The following TMEM192 variants were observed in gnomAD, a reference collection of about 807,000 sequenced individuals.
TMEM192 encodes transmembrane protein 192.
TMEM192 carries 20 observed loss-of-function variants against 26.7 expected under a neutral mutation model. The ratio of observed to expected loss-of-function variants is 0.75; its 90% CI spans 0.53 to 1.09. The LOEUF is 1.09. Among genes scored for constraint, TMEM192 ranks in the 50% least tolerant of loss-of-function variants. TMEM192 has a pLI of 0.00. For missense variants in TMEM192, 304 were observed against 322.6 expected, an observed-to-expected ratio of 0.94 and a Z score of 0.44; for synonymous variants, 124 against 121.0, an observed-to-expected ratio of 1.02 and a Z score of -0.16.
At chr4:165,104,570 G>T (rs11100599) in intron 1 of TMEM192, among the ~76,000 whole-genome samples, 1 of 151,946 alleles carries the variant, frequency 6.6e-6, no homozygotes, top group African/African-American at 2.4e-5. Flanking sequence ...TCGCTCTGTC[G>T]CCGAGGCTGG....
intron 1 of TMEM192, among the ~76,000 whole-genome samples, chr4:165,106,769 C>A (rs532916896): frequency 6.6e-6 from 1 of 152,310 alleles, no homozygotes; most frequent in Non-Finnish European, 1.5e-5. Flanking sequence ...GGTTTTGAGG[C>A]TTTTGAACTT....
At chr4:165,085,328 T>C (rs1025376060) in intron 5 of TMEM192, among the ~76,000 whole-genome samples, 1 of 140,870 alleles carries the variant, frequency 7.1e-6, no homozygotes. Flanking sequence ...AAGGAGGGAG[T>C]AACCAGTTAA....
intron 3 of TMEM192, among the ~76,000 whole-genome samples, chr4:165,096,629 C>CT (rs55845654): frequency 0.42 from 59,970 of 144,456 alleles, 12,352 homozygotes; most frequent in Middle Eastern, 0.56. Context: ...ATAGATTTAT[C>CT]TTTTTTTTTT....
rs377030370 is a variant in TMEM192 at position 165,074,414 on chromosome 4, C to T, written c.*5244G>A. The stretch of plus-strand genomic sequence containing the variant: ...GATTCTTCAAGAACTCAAGAGTTTA[C>T]CAGATGTGAGTTTTGTATTCAAGAT... On this transcript the variant is annotated 3_prime_UTR_variant, in exon 6 of 6. Coordinates refer to ENST00000306480, the MANE Select transcript of TMEM192 (RefSeq NM_001100389.2). 4 of 152,138 alleles carry T rather than the reference C, an allele frequency of 2.6e-5. No homozygotes were observed. In the East Asian group the frequency reaches 7.7e-4, roughly 29 times the overall value. The allele number at this position is 152,138 out of a possible 1,614,324, so 9.4% of individuals were successfully genotyped here.
At chr4:165,103,229 C>G in intron 1 of TMEM192, 133 bp from the exon 2 acceptor site, 2 of 575,412 alleles carry the variant, frequency 3.5e-6, no homozygotes, top group Non-Finnish European at 2.6e-6. Flanking sequence ...CTACCTGAAT[C>G]CAATTTTTTA....
intron 1 of TMEM192, among the ~76,000 whole-genome samples, chr4:165,107,330 T>C (rs560056143): frequency 1.4e-5 from 2 of 140,934 alleles, no homozygotes; most frequent in Non-Finnish European, 3.0e-5. Flanking sequence ...CCTTTTTTTT[T>C]AAAACAAAAA....
At chr4:165,080,062 T>A (rs1734486189) in intron 5 of TMEM192, among the ~76,000 whole-genome samples, 1 of 152,202 alleles carries the variant, frequency 6.6e-6, no homozygotes, top group African/African-American at 2.4e-5. Context: ...TTAAGAAGGA[T>A]CCTAATTTGT....
intron 3 of TMEM192, among the ~76,000 whole-genome samples, chr4:165,094,828 G>C (rs1290982563): frequency 1.3e-5 from 2 of 151,832 alleles, no homozygotes; most frequent in Non-Finnish European, 2.9e-5. Flanking sequence ...TACAAAATTA[G>C]CTGGGCATGG....
At position 165,088,451 on chromosome 4, in the gene TMEM192, C is replaced by T. The variant is rs747975011; in HGVS notation, c.574+17G>A. 11 of 1,607,712 alleles carry T rather than the reference C, an allele frequency of 6.8e-6. No individual in the cohort carries two copies. The highest frequency in any genetic ancestry group is 9.3e-6 in the Non-Finnish European group (11 of 1,176,626). ...AGTTCGAAGTTCCTATAAGAACAGG[C>T]TCGTTGTAATTCTCACCTGTGTAAA... On this transcript the variant is annotated intron_variant, in intron 4 of 5. Transcript: ENST00000306480.
chr4:165,092,993 C>T (rs1734801216), intron 3 of TMEM192, among the ~76,000 whole-genome samples: 1 of 151,626 alleles, frequency 6.6e-6, no homozygotes, highest in Non-Finnish European at 1.5e-5. Context: ...TTCTAGCAAG[C>T]CCACTCACCC....
chr4:165,112,017 A>G (rs931669461), intron 1 of TMEM192, among the ~76,000 whole-genome samples: 4 of 152,248 alleles, frequency 2.6e-5, no homozygotes, highest in Non-Finnish European at 4.4e-5. Flanking sequence ...AAGAAATAAG[A>G]TTTTTGTAAT....
intron 4 of TMEM192, among the ~76,000 whole-genome samples, chr4:165,087,428 C>A (rs548526311): frequency 6.6e-6 from 1 of 152,106 alleles, no homozygotes; most frequent in East Asian, 1.9e-4. Flanking sequence ...CCAATCCTAT[C>A]CAGTTCTTGG....
chr4:165,110,540 T>C (rs939365561), intron 1 of TMEM192, among the ~76,000 whole-genome samples: 3 of 152,206 alleles, frequency 2.0e-5, no homozygotes, highest in African/African-American at 7.2e-5. Context: ...ATCCCGTCTC[T>C]ACTAAAAATA....
intron 3 of TMEM192, among the ~76,000 whole-genome samples, chr4:165,093,097 C>CTTTTT (rs35970962): frequency 8.3e-6 from 1 of 120,944 alleles, no homozygotes; most frequent in African/African-American, 3.1e-5. Context: ...TTTTTTTCTT[C>CTTTTT]TTTTTTTTTT....
chr4:165,109,054 CT>C (rs34676887), intron 1 of TMEM192, among the ~76,000 whole-genome samples: 2 of 152,180 alleles, frequency 1.3e-5, no homozygotes, highest in African/African-American at 4.8e-5. Context: ...TTATATCTAG[CT>C]TTTTGGTTGT....
rs1734344750 is a variant in TMEM192, at chr4:165,075,101, C to G, written c.*4557G>C. On this transcript the variant is annotated 3_prime_UTR_variant, in exon 6 of 6. Coordinates refer to ENST00000306480, the MANE Select transcript of TMEM192 (RefSeq NM_001100389.2). ...CCACTATTGGTAAGGGTATGGAGAC[C>G]AGGTGAGCTGGCTCATGCCTATAAT... is the stretch of plus-strand genomic sequence containing the variant. The G allele has an allele frequency of 6.6e-6, 1 of 152,100 alleles. No individual in the cohort carries two copies. Among genetic ancestry groups the G allele is most frequent in the Admixed American group, 6.6e-5 (1 of 15,256 alleles). The allele number at this position is 152,100 out of a possible 1,614,324, so 9.4% of individuals were successfully genotyped here. A position where few individuals can be genotyped will look rare whatever the true frequency, so the allele number is the denominator to read the frequency against.
intron 1 of TMEM192, among the ~76,000 whole-genome samples, chr4:165,107,287 G>A (rs1189723217): frequency 2.6e-5 from 4 of 151,104 alleles, no homozygotes; most frequent in Non-Finnish European, 5.9e-5. Flanking sequence ...CTCCCAAAGT[G>A]CTGGGATTAC....
rs1035648867 is a variant in TMEM192 at position 165,074,337 on chromosome 4, C to G, written c.*5321G>C. 2 of 152,070 alleles carry G rather than the reference C, an allele frequency of 1.3e-5. No homozygotes were observed. Among genetic ancestry groups the G allele is most frequent in the African/African-American group, 2.4e-5 (1 of 41,404 alleles). 9.4% of individuals were successfully genotyped at this position (152,070 alleles called of 1,614,324 possible). ...AATGAAACAATTTTCCTTAGGAAAC[C>G]TAGAGAATGTTTTGAGATCTCAAAT... On this transcript the variant is annotated 3_prime_UTR_variant, in exon 6 of 6. Coordinates refer to ENST00000306480, the MANE Select transcript of TMEM192 (RefSeq NM_001100389.2).
rs942575473 is a variant in TMEM192 at position 165,075,601 on chromosome 4, G to A, written c.*4057C>T. ...TTTTTTTTTTTTTGAGATGGAGCCT[G>A]CTCTGTGGCCCAGGCTAGAGTACAG... On this transcript the variant is annotated 3_prime_UTR_variant, in exon 6 of 6. Transcript: ENST00000306480. 2.1e-5 allele frequency: 3 copies of A among 144,380 alleles called. No homozygotes were observed. The highest frequency in any genetic ancestry group is 5.1e-5 in the African/African-American group (2 of 39,162). 8.9% of individuals were successfully genotyped at this position (144,380 alleles called of 1,614,324 possible). A position where few individuals can be genotyped will look rare whatever the true frequency, so the allele number is the denominator to read the frequency against.
Sources: gnomAD v4.1 joint callset for allele counts (sites outside exome capture counted in the v4.1 genomes callset) on GRCh38, gnomAD v4.1.1 for gene constraint, MANE v1.5 for transcripts, NCBI Gene and HGNC (gene_info 2026-07-23, HGNC 2026-07-21) for gene names.